Variants in BAIAP2L1 observed in about 807,000 individuals in gnomAD.
BAIAP2L1 encodes BAR/IMD domain-containing adapter protein 2-like 1.
BAIAP2L1 carries 35 observed loss-of-function variants against 66.3 expected under a neutral mutation model. The ratio of observed to expected loss-of-function variants is 0.53; its 90% confidence interval spans 0.40 to 0.70. BAIAP2L1 has a LOEUF of 0.70. BAIAP2L1 is among the 30% of genes least tolerant of loss of function. The pLI, the probability that BAIAP2L1 is intolerant of heterozygous loss-of-function variation, is 0.00. For synonymous variants in BAIAP2L1, 269 were observed against 248.7 expected, an observed-to-expected ratio of 1.08 and a Z score of -0.77; for missense variants, 622 against 656.9, an observed-to-expected ratio of 0.95 and a Z score of 0.58.
chr7:98,363,223 C>T (rs1346099363), intron 1 of BAIAP2L1, among the ~76,000 whole-genome samples: 3 of 151,762 alleles, frequency 2.0e-5, no homozygotes, highest in African/African-American at 4.8e-5. Context: ...TTAGTAGAGG[C>T]GGGGTTTCAC....
chr7:98,385,449 C>T (rs1802863918), intron 1 of BAIAP2L1, among the ~76,000 whole-genome samples: 1 of 152,056 alleles, frequency 6.6e-6, no homozygotes, highest in South Asian at 2.1e-4. Flanking sequence ...GAGACAGGTT[C>T]TTGCTGTGTT....
chr7:98,331,289 G>A (rs753976324), intron 3 of BAIAP2L1, among the ~76,000 whole-genome samples: 2 of 152,074 alleles, frequency 1.3e-5, no homozygotes, highest in African/African-American at 4.8e-5. Flanking sequence ...AGGAGAAAAA[G>A]AGAGAAGGGA....
intron 6 of BAIAP2L1, among the ~76,000 whole-genome samples, chr7:98,316,455 G>A (rs886089251): frequency 6.6e-6 from 1 of 152,122 alleles, no homozygotes; most frequent in Non-Finnish European, 1.5e-5. Context: ...TTGGCAGGAG[G>A]TCACTGATTA....
chr7:98,351,429 G>A (rs1801998767), intron 3 of BAIAP2L1, among the ~76,000 whole-genome samples: 1 of 152,154 alleles, frequency 6.6e-6, no homozygotes, highest in Admixed American at 6.5e-5. Flanking sequence ...GCTCATGCCT[G>A]GGGAGCTTTG....
intron 1 of BAIAP2L1, among the ~76,000 whole-genome samples, chr7:98,388,174 A>G (rs1402424455): frequency 6.6e-6 from 1 of 152,216 alleles, no homozygotes; most frequent in Admixed American, 6.5e-5. Flanking sequence ...GCTTTCATGT[A>G]TGACTGCGTT....
In BAIAP2L1 at chr7:98,320,101, T is replaced by A. The variant is rs1282639000; in HGVS notation, c.305A>T (p.His102Leu). 2 of 1,613,474 alleles carry A rather than the reference T, an allele frequency of 1.2e-6. No homozygotes were observed. Among genetic ancestry groups the A allele is most frequent in the Non-Finnish European group, 1.7e-6 (2 of 1,179,470 alleles). ...NFKKFHKEII[H>L]ELEKKIELDV... is the part of the protein sequence containing the mutation. Reference sequence around the variant, plus strand: ...AAGTTCTATCTTCTTCTCCAGCTCATGGATAATCTCTTTGTGGAATTTTTT... The same window carrying A: ...AAGTTCTATCTTCTTCTCCAGCTCAAGGATAATCTCTTTGTGGAATTTTTT... The change falls in exon 5 of 14, where the codon CAT (histidine) becomes CTT (leucine). Residue 102 changes from histidine (H) to leucine (L), a missense_variant. Coordinates refer to ENST00000005260, the MANE Select transcript of BAIAP2L1 (RefSeq NM_018842.5).
intron 8 of BAIAP2L1, among the ~76,000 whole-genome samples, chr7:98,311,835 G>A (rs1800884440): frequency 6.6e-6 from 1 of 152,046 alleles, no homozygotes; most frequent in Admixed American, 6.6e-5. Flanking sequence ...GAACCCGGGA[G>A]GTGGAGGTTG....
chr7:98,299,567 G>C (rs1425132734), intron 12 of BAIAP2L1, among the ~76,000 whole-genome samples: 1 of 152,012 alleles, frequency 6.6e-6, no homozygotes, highest in Non-Finnish European at 1.5e-5. Flanking sequence ...CTGTCGCTCA[G>C]GCTGGACTTG....
Position 98,362,438 on chromosome 7 carries a change from A to G in BAIAP2L1, c.52-6T>C, listed in dbSNP as rs770789685. The G allele has an allele frequency of 9.4e-6, 15 of 1,590,234 alleles. No homozygotes were observed. Among genetic ancestry groups the G allele is most frequent in the Admixed American group, 9.4e-5 (5 of 53,234 alleles). On this transcript the variant is annotated splice_region_variant and splice_polypyrimidine_tract_variant and intron_variant, in intron 1 of 13. Coordinates refer to ENST00000005260, the MANE Select transcript of BAIAP2L1 (RefSeq NM_018842.5). ...TTGAACTGTTCCATAACATTCTGCC[A>G]AACAAACAAAACACACAAATTAATA...
At chr7:98,358,305 A>G (rs1357319624) in intron 2 of BAIAP2L1, among the ~76,000 whole-genome samples, 1 of 148,550 alleles carries the variant, frequency 6.7e-6, no homozygotes, top group African/African-American at 2.5e-5. Flanking sequence ...TTGTGAGCAC[A>G]TTAAGATATT....
Position 98,320,050 on chromosome 7 carries a change from G to A in BAIAP2L1, c.348+8C>T. 3.1e-6 allele frequency: 5 copies of A among 1,610,062 alleles called. No individual in the cohort carries two copies. The highest frequency in any genetic ancestry group is 2.5e-6 in the Non-Finnish European group (3 of 1,177,634). On this transcript the variant is annotated splice_region_variant and intron_variant, in intron 5 of 13. Transcript: ENST00000005260. ...AAGGCTGGGGCTGGAGGAAAACCAT[G>A]CACTTACGTTCATATATTTCACGTC...
chr7:98,342,544 C>T (rs568886260), intron 3 of BAIAP2L1, among the ~76,000 whole-genome samples: 1 of 152,198 alleles, frequency 6.6e-6, no homozygotes, highest in South Asian at 2.1e-4. Context: ...CTGTTTTGTG[C>T]CCAATTTCAG....
intron 1 of BAIAP2L1, among the ~76,000 whole-genome samples, chr7:98,372,607 T>C (rs376692809): frequency 3.3e-5 from 5 of 152,214 alleles, no homozygotes; most frequent in East Asian, 3.9e-4. Context: ...TTTTATTCTA[T>C]ACTATCTCAT....
At chr7:98,330,202 C>T (rs1159050054) in intron 3 of BAIAP2L1, among the ~76,000 whole-genome samples, 3 of 152,136 alleles carry the variant, frequency 2.0e-5, no homozygotes, top group African/African-American at 7.2e-5. Context: ...CTGGAATTAT[C>T]AGACAGAGAA....
chr7:98,400,670 G>A (rs2115884903), intron 1 of BAIAP2L1, 132 bp downstream of exon 1: 2 of 1,038,016 alleles, frequency 1.9e-6, no homozygotes, highest in East Asian at 2.7e-5. Context: ...AGGAGTGGGA[G>A]AGACCGGGAG....
intron 12 of BAIAP2L1, among the ~76,000 whole-genome samples, chr7:98,302,512 A>G (rs772795085): frequency 5.9e-5 from 9 of 152,236 alleles, no homozygotes; most frequent in South Asian, 2.1e-4. Flanking sequence ...ACAACAGTCA[A>G]ACAAGCAAAA....
At chr7:98,295,304 A>C (rs1584410898) in intron 12 of BAIAP2L1, among the ~76,000 whole-genome samples, 1 of 152,114 alleles carries the variant, frequency 6.6e-6, no homozygotes, top group Non-Finnish European at 1.5e-5. Flanking sequence ...CACCCTCCCC[A>C]GATCCCCTGG....
At chr7:98,356,166 A>G (rs573717536) in intron 2 of BAIAP2L1, among the ~76,000 whole-genome samples, 1 of 152,314 alleles carries the variant, frequency 6.6e-6, no homozygotes, top group East Asian at 1.9e-4. Flanking sequence ...CCTTTCTGAA[A>G]CAAAGGTTGC....
chr7:98,369,663 ATTTTTTTTTTTTTTT>A (rs71112146), intron 1 of BAIAP2L1, among the ~76,000 whole-genome samples: 3 of 103,850 alleles, frequency 2.9e-5, no homozygotes, highest in Non-Finnish European at 5.4e-5. Flanking sequence ...TGATTTCCTA[ATTTTTTTTTTTTTTT>A]TTTTTTTTTT....
Sources: allele counts gnomAD v4.1 joint callset (sites outside exome capture counted in the v4.1 genomes callset), GRCh38; gene constraint gnomAD v4.1.1; transcripts MANE v1.5; gene names NCBI Gene and HGNC (gene_info 2026-07-23, HGNC 2026-07-21).